The following TENM1 variants were observed in gnomAD, a reference collection of about 807,000 sequenced individuals.
The protein encoded by TENM1 is teneurin-1.
TENM1 carries 35 observed loss-of-function variants against 174.8 expected under a neutral mutation model. The observed-to-expected ratio is 0.20, with a 90% CI of 0.15 to 0.27. TENM1 has a LOEUF of 0.27. Among genes scored for constraint, TENM1 ranks in the 10% least tolerant of loss-of-function variants. The pLI is 1.00. For synonymous variants in TENM1, 781 were observed against 798.7 expected (o/e 0.98, Z 0.37); for missense variants, 1,633 against 2,130.1 (o/e 0.77, Z 4.59).
chrX:124,498,264 T>C (rs2047246482), intron 19 of TENM1, among the ~76,000 whole-genome samples: 1 of 111,414 alleles, frequency 9.0e-6, no homozygotes, highest in African/African-American at 3.3e-5. Context: ...AAACCAGTTC[T>C]TTCTCCCCTA....
chrX:125,005,987 G>A, the TENM1 span, among the ~76,000 whole-genome samples: 2 of 111,767 alleles, frequency 1.8e-5, no homozygotes, highest in South Asian at 7.6e-4. Flanking sequence ...TCATACTCCA[G>A]CAGCTCCTGG....
chrX:125,065,997 T>C, the TENM1 span, among the ~76,000 whole-genome samples: 2 of 112,311 alleles, frequency 1.8e-5, no homozygotes, highest in African/African-American at 6.5e-5. Flanking sequence ...ACAAATAGAA[T>C]GTGTTCAGAA....
At chrX:125,052,374 C>G in the TENM1 span, among the ~76,000 whole-genome samples, 1 of 111,692 alleles carries the variant, frequency 9.0e-6, no homozygotes, top group Non-Finnish European at 1.9e-5. Flanking sequence ...TTGCCAGAAA[C>G]GAGAACACAT....
chrX:124,984,780 T>C, the TENM1 span, among the ~76,000 whole-genome samples: 1 of 112,231 alleles, frequency 8.9e-6, no homozygotes, highest in African/African-American at 3.2e-5. Flanking sequence ...GAACATGTGA[T>C]TAACACTATT....
At chrX:124,729,727 G>A (rs1603084230) in intron 4 of TENM1, among the ~76,000 whole-genome samples, 2 of 112,411 alleles carry the variant, frequency 1.8e-5, no homozygotes, top group South Asian at 7.4e-4. Flanking sequence ...CAGAAGGCAG[G>A]CAGCAATGCA....
At chrX:125,031,675 G>A in the TENM1 span, among the ~76,000 whole-genome samples, 1 of 111,672 alleles carries the variant, frequency 9.0e-6, no homozygotes, top group Non-Finnish European at 1.9e-5. Context: ...TTCATCATCA[G>A]GTTGTTTTCA....
intron 11 of TENM1, among the ~76,000 whole-genome samples, chrX:124,579,451 C>T (rs2049249126): frequency 9.0e-6 from 1 of 111,415 alleles, no homozygotes; most frequent in African/African-American, 3.3e-5. Flanking sequence ...CCTATCTCTA[C>T]CTGCACAAAT....
rs183363414 is a variant in TENM1 at position 124,668,160 on chromosome X, A to G, written c.1168+3523T>C. Among the ~76,000 whole-genome samples the G allele has an allele frequency of 1.9e-3, 207 of 111,683 alleles. 3 individuals are homozygous for G. Among genetic ancestry groups the G allele is most frequent in the East Asian group, 3.4e-3 (12 of 3,569 alleles). Reference sequence around the variant, plus strand: ...CAGTTCTTTGTAGATTCTGGATATTAGCCCTTTAGAATGGCGATCATTAAA... The same window carrying G: ...CAGTTCTTTGTAGATTCTGGATATTGGCCCTTTAGAATGGCGATCATTAAA... On this transcript the variant is annotated intron_variant, in intron 6 of 31. Transcript: ENST00000422452.
chrX:124,389,206 A>T (rs1160932498), intron 28 of TENM1, among the ~76,000 whole-genome samples: 1 of 112,507 alleles, frequency 8.9e-6, no homozygotes, highest in Admixed American at 9.4e-5. Context: ...AGTTTCACTT[A>T]CTCTAGAAGA....
intron 11 of TENM1, among the ~76,000 whole-genome samples, chrX:124,606,774 G>C (rs2050168457): frequency 9.0e-6 from 1 of 111,548 alleles, no homozygotes; most frequent in African/African-American, 3.3e-5. Flanking sequence ...ATGTCATCTT[G>C]AGCAAATTAT....
intron 14 of TENM1, among the ~76,000 whole-genome samples, chrX:124,551,530 A>ACC (rs763039369): frequency 1.0e-5 from 1 of 97,887 alleles, no homozygotes; most frequent in Admixed American, 1.0e-4. Flanking sequence ...ACACACACCC[A>ACC]CACACACACA....
At chrX:124,856,736 G>C (rs1258249175) in intron 3 of TENM1, among the ~76,000 whole-genome samples, 1 of 111,337 alleles carries the variant, frequency 9.0e-6, no homozygotes, top group African/African-American at 3.3e-5. Flanking sequence ...TCTGGACACA[G>C]AATGTGTTCT....
rs183481768 is a variant in TENM1 at position 124,757,729 on chromosome X, G to A, written c.536-20532C>T. 8.9e-5 allele frequency among the ~76,000 whole-genome samples: 10 copies of A among 112,355 alleles called. No individual in the cohort carries two copies. In the East Asian group the frequency reaches 2.2e-3, roughly 25 times the overall value. On this transcript the variant is annotated intron_variant, in intron 3 of 31. Transcript: ENST00000422452. Reference sequence around the variant, plus strand: ...ATGCCAAAATCTAGTCTTAAAATTCGAGGGATACTAGAGAGCTGTCTTGTT... The same window carrying A: ...ATGCCAAAATCTAGTCTTAAAATTCAAGGGATACTAGAGAGCTGTCTTGTT...
chrX:124,590,754 A>G (rs765562651), intron 11 of TENM1, among the ~76,000 whole-genome samples: 4 of 111,966 alleles, frequency 3.6e-5, no homozygotes, highest in South Asian at 3.8e-4. Context: ...ACTAGGTCCA[A>G]TTGGTTGAGT....
the TENM1 span, among the ~76,000 whole-genome samples, chrX:125,098,290 C>T: frequency 9.0e-6 from 1 of 111,289 alleles, no homozygotes; most frequent in Non-Finnish European, 1.9e-5. Flanking sequence ...ATAAAAGGGT[C>T]GTGTTTTGCT....
chrX:124,966,344 G>A (rs1309253279), upstream of TENM1, among the ~76,000 whole-genome samples: 1 of 111,560 alleles, frequency 9.0e-6, no homozygotes, highest in Non-Finnish European at 1.9e-5. Context: ...AAAACACCAG[G>A]CATATTTGTG....
At chrX:125,123,602 C>G in the TENM1 span, among the ~76,000 whole-genome samples, 1 of 110,560 alleles carries the variant, frequency 9.0e-6, no homozygotes, top group Admixed American at 9.7e-5. Context: ...GAGTGAGACC[C>G]TGTCTTAAAA....
chrX:124,762,167 G>C (rs1272729734), intron 3 of TENM1, among the ~76,000 whole-genome samples: 2 of 111,589 alleles, frequency 1.8e-5, no homozygotes, highest in African/African-American at 6.5e-5. Flanking sequence ...TCTTAGAAGG[G>C]CACTAATCCC....
intron 3 of TENM1, among the ~76,000 whole-genome samples, chrX:124,757,817 T>G (rs991948535): frequency 2.7e-5 from 3 of 112,435 alleles, no homozygotes; most frequent in African/African-American, 9.7e-5. Context: ...TACACGTAAA[T>G]TATTGTATTC....
Sources: allele counts gnomAD v4.1 joint callset (sites outside exome capture counted in the v4.1 genomes callset), GRCh38; gene constraint gnomAD v4.1.1; transcripts MANE v1.5; gene names NCBI Gene and HGNC (gene_info 2026-07-23, HGNC 2026-07-21).